The following ANKS1A variants were observed in gnomAD, a reference collection of about 807,000 sequenced individuals.
ANKS1A encodes the protein ankyrin repeat and SAM domain-containing protein 1A.
Under a neutral mutation model 120.3 loss-of-function variants are expected in ANKS1A, and 55 were observed. The ratio of observed to expected loss-of-function variants is 0.46; its 90% CI spans 0.37 to 0.57. The LOEUF is 0.57. Ranked by LOEUF, ANKS1A falls within the 20% of genes least tolerant of loss-of-function variation. The probability of loss-of-function intolerance (pLI) is 0.00; values close to 1 mark genes in which losing one functional copy is unlikely to be tolerated. For synonymous variants in ANKS1A, 590 were observed against 604.7 expected, an observed-to-expected ratio of 0.98 and a Z score of 0.36; for missense variants, 1,123 against 1,480.3, an observed-to-expected ratio of 0.76 and a Z score of 3.96.
At position 34,983,204 on chromosome 6, in the gene ANKS1A, A is replaced by G; in HGVS notation, c.900A>G (p.Ala300=). ...CTCAAAAGAGCCAGCAAATAGCAGCATTAATTGAAGGTATCATCCTTTCTC... is the reference window on the plus strand; with the variant it reads ...CTCAAAAGAGCCAGCAAATAGCAGCGTTAATTGAAGGTATCATCCTTTCTC... ...LPSQKSQQIA[A]LIEDHMTGKR... is the part of the protein sequence containing the mutation. The change falls in exon 6 of 24, where the codon GCA becomes GCG. Residue 300 remains alanine, a synonymous_variant. Coordinates refer to ENST00000360359, the MANE Select transcript of ANKS1A (RefSeq NM_015245.3). 1 of 1,614,160 alleles carries G rather than the reference A, an allele frequency of 6.2e-7. No homozygotes were observed. The highest frequency in any genetic ancestry group is 8.5e-7 in the Non-Finnish European group (1 of 1,179,996).
intron 1 of ANKS1A, among the ~76,000 whole-genome samples, chr6:34,952,108 C>T (rs968217068): frequency 2.6e-5 from 4 of 152,172 alleles, no homozygotes; most frequent in African/African-American, 7.2e-5. Flanking sequence ...CCCAATGTCA[C>T]CCTTTCTAGC....
chr6:34,922,391 C>T (rs1473402372), intron 1 of ANKS1A, among the ~76,000 whole-genome samples: 2 of 152,180 alleles, frequency 1.3e-5, no homozygotes, highest in South Asian at 2.1e-4. Context: ...CTACATTGTA[C>T]TGTCAGGGCT....
intron 11 of ANKS1A, chr6:35,039,794 A>T (rs1775365409): frequency 3.1e-6 from 1 of 322,700 alleles, no homozygotes; most frequent in African/African-American, 2.2e-5. Context: ...GTCATGTATT[A>T]GGAAGCTCAG....
At chr6:34,922,874 A>C (rs1768511124) in intron 1 of ANKS1A, among the ~76,000 whole-genome samples, 1 of 151,920 alleles carries the variant, frequency 6.6e-6, no homozygotes, top group African/African-American at 2.4e-5. Context: ...TTTGTGTTTT[A>C]GTAGAGACGG....
chr6:34,981,242 A>G (rs1015837288), intron 3 of ANKS1A, among the ~76,000 whole-genome samples: 5 of 152,252 alleles, frequency 3.3e-5, no homozygotes, highest in African/African-American at 4.8e-5. Context: ...TAAAAAGCTT[A>G]TGTGTAAGGC....
In ANKS1A at chr6:34,983,109, C is replaced by G; in HGVS notation, c.809-4C>G. ...CCCCTGGTCCACCTGGTGTGCCTTT[C>G]TAGGAACTGACGTCAACATAAAAGA... On this transcript the variant is annotated splice_region_variant and splice_polypyrimidine_tract_variant and intron_variant, in intron 5 of 23. Transcript: ENST00000360359. 2 of 1,613,714 alleles carry G rather than the reference C, an allele frequency of 1.2e-6. No individual in the cohort carries two copies. Among genetic ancestry groups the G allele is most frequent in the Non-Finnish European group, 1.7e-6 (2 of 1,179,750 alleles).
intron 1 of ANKS1A, among the ~76,000 whole-genome samples, chr6:34,900,611 A>T (rs1345182200): frequency 6.6e-6 from 1 of 152,174 alleles, no homozygotes; most frequent in African/African-American, 2.4e-5. Context: ...TTTGAGGAAT[A>T]CACTAGTAGT....
chr6:34,944,369 T>G (rs562475923), intron 1 of ANKS1A, among the ~76,000 whole-genome samples: 1 of 152,216 alleles, frequency 6.6e-6, no homozygotes, highest in Non-Finnish European at 1.5e-5. Context: ...TTTGGTGTTA[T>G]GTTTTGGATT....
chr6:34,939,224 C>T (rs1769410789), intron 1 of ANKS1A, among the ~76,000 whole-genome samples: 1 of 152,142 alleles, frequency 6.6e-6, no homozygotes, highest in Non-Finnish European at 1.5e-5. Context: ...GAGCCCTTCC[C>T]TACAGGGCCA....
At position 35,070,824 on chromosome 6, in the gene ANKS1A, C is replaced by T. The variant is rs184464639; in HGVS notation, c.2185-7734C>T. 928 of 508,660 alleles carry T rather than the reference C, an allele frequency of 1.8e-3. 10 individuals are homozygous for T. Among genetic ancestry groups the T allele is most frequent in the African/African-American group, 0.017 (864 of 50,512 alleles). The allele number at this position is 508,660 out of a possible 1,614,324, so 31.5% of individuals were successfully genotyped here. A position where few individuals can be genotyped will look rare whatever the true frequency, so the allele number is the denominator to read the frequency against. ...TAACCCAGACACCCCTTTCTTTTTT[C>T]TTTGTGTGTGTGTGTGTGTGTGCGC... On this transcript the variant is annotated intron_variant, in intron 13 of 23. Coordinates refer to ENST00000360359, the MANE Select transcript of ANKS1A (RefSeq NM_015245.3).
downstream of ANKS1A, among the ~76,000 whole-genome samples, chr6:35,092,292 T>C (rs1778332127): frequency 6.6e-6 from 1 of 152,226 alleles, no homozygotes; most frequent in African/African-American, 2.4e-5. Flanking sequence ...CGCTTCCGTT[T>C]CTTAAAAGGG....
intron 1 of ANKS1A, among the ~76,000 whole-genome samples, chr6:34,964,463 G>A (rs1016233892): frequency 6.6e-6 from 1 of 152,102 alleles, no homozygotes; most frequent in Non-Finnish European, 1.5e-5. Flanking sequence ...CATTTGCAGC[G>A]GTGTGTATTA....
chr6:35,081,086 C>T lies in ANKS1A; in HGVS notation c.2637C>T (p.Asp879=). The T allele has an allele frequency of 6.2e-7, 1 of 1,613,924 alleles. No individual in the cohort carries two copies. Among genetic ancestry groups the T allele is most frequent in the Non-Finnish European group, 8.5e-7 (1 of 1,179,990 alleles). The change falls in exon 17 of 24, where the codon GAC becomes GAT. Residue 879 remains aspartate, a synonymous_variant. Transcript: ENST00000360359. ...RSADLLLPPG[D]TGRRRHDSLH... ...CAGATCTGCTGCTGCCTCCAGGGGA[C>T]ACAGGCAGGAGGCGCCATGACAGTC...
intron 12 of ANKS1A, among the ~76,000 whole-genome samples, chr6:35,056,235 A>T (rs773341652): frequency 6.6e-6 from 1 of 152,186 alleles, no homozygotes; most frequent in African/African-American, 2.4e-5. Flanking sequence ...TTCCCGTGAC[A>T]TCTGGTCTCC....
chr6:34,981,834 C>T lies in ANKS1A; in HGVS notation c.580C>T (p.Arg194Ter). 2.5e-6 allele frequency: 4 copies of T among 1,614,130 alleles called. No homozygotes were observed. The highest frequency in any genetic ancestry group is 2.2e-5 in the East Asian group (1 of 44,874). ...TPLDLAALYG[R>*]LEVVKMLLNA... The stretch of plus-strand genomic sequence containing the variant: ...TTTGGACCTGGCAGCACTGTACGGG[C>T]GACTGGAGGTGGTGAAAATGCTCCT... Residue 194 changes from arginine (R) to a stop codon, truncating the protein, a stop_gained, in exon 4 of 24, where the codon CGA becomes TGA. Transcript: ENST00000360359. LOFTEE classifies it high-confidence loss of function.
chr6:35,060,264 G>A lies in ANKS1A; in HGVS notation c.2184+11G>A, dbSNP rs1237560408. 1 of 1,603,416 alleles carries A rather than the reference G, an allele frequency of 6.2e-7. No homozygotes were observed. On this transcript the variant is annotated intron_variant, in intron 13 of 23. Coordinates refer to ENST00000360359, the MANE Select transcript of ANKS1A (RefSeq NM_015245.3). The surrounding 1 kb of genome is among the most constrained non-coding windows in gnomAD (Gnocchi z 4.5). ...GATGTCCACTTCCTGGTAAGTGGCT[G>A]CAGGCCTCCTCAATGGCAGGGTGCT...
At position 35,086,246 on chromosome 6, in the gene ANKS1A, T is replaced by C; in HGVS notation, c.3303+310T>C. The C allele has an allele frequency of 7.3e-7, 1 of 1,360,882 alleles. No homozygotes were observed. Among genetic ancestry groups the C allele is most frequent in the Non-Finnish European group, 9.7e-7 (1 of 1,034,026 alleles). 84.3% of individuals were successfully genotyped at this position (1,360,882 alleles called of 1,614,324 possible). ...AGTAACTGCGCCATCCCTGTGTCTG[T>C]GTCTGCTTTGCTCTGCACCCCAGGT... On this transcript the variant is annotated intron_variant, in intron 22 of 23. Coordinates refer to ENST00000360359, the MANE Select transcript of ANKS1A (RefSeq NM_015245.3). This position sits in a 1 kb window ranked among gnomAD's most constrained non-coding sequence, Gnocchi z 5.1.
chr6:35,055,390 C>T (rs569058037), intron 12 of ANKS1A, among the ~76,000 whole-genome samples: 58 of 151,698 alleles, frequency 3.8e-4, no homozygotes, highest in African/African-American at 1.2e-3. Context: ...AGAGCAATGA[C>T]GTAATCTTGG....
At chr6:34,968,284 C>T (rs1770995971) in intron 2 of ANKS1A, among the ~76,000 whole-genome samples, 1 of 152,122 alleles carries the variant, frequency 6.6e-6, no homozygotes, top group Non-Finnish European at 1.5e-5. Context: ...CACTGCCTTT[C>T]AGGTTGCCCA....
Sources: gnomAD v4.1 joint callset for allele counts (sites outside exome capture counted in the v4.1 genomes callset) on GRCh38, gnomAD v4.1.1 for gene constraint, Gnocchi (gnomAD v3.1) non-coding constraint, MANE v1.5 for transcripts, NCBI Gene and HGNC (gene_info 2026-07-23, HGNC 2026-07-21) for gene names.